Variants in VPS45 observed in about 807,000 individuals in gnomAD.
VPS45 encodes vacuolar protein sorting 45 homolog.
Under a neutral mutation model 75.9 loss-of-function variants are expected in VPS45, and 35 were observed. That is an observed-to-expected ratio of 0.46 (90% confidence interval 0.35 to 0.61). The LOEUF is 0.61. Among genes scored for constraint, VPS45 ranks in the 20% least tolerant of loss-of-function variants. VPS45 has a pLI of 0.00. For synonymous variants in VPS45, 220 were observed against 238.2 expected (o/e 0.92, Z 0.70); for missense variants, 559 against 685.9 (o/e 0.81, Z 2.07).
intron 14 of VPS45, among the ~76,000 whole-genome samples, chr1:150,128,896 C>T (rs756449801): frequency 2.0e-5 from 3 of 152,122 alleles, no homozygotes; most frequent in South Asian, 2.1e-4. Flanking sequence ...CGTGCCACCA[C>T]GCCTGGCTAA....
intron 6 of VPS45, 25 bp downstream of exon 6, chr1:150,077,256 C>G (rs1324111292): frequency 6.3e-7 from 1 of 1,597,566 alleles, no homozygotes; most frequent in African/African-American, 1.4e-5. Context: ...ATTCCTGGTT[C>G]CAAAACATAA....
intron 3 of VPS45, among the ~76,000 whole-genome samples, chr1:150,074,303 A>C (rs1655247989): frequency 6.6e-6 from 1 of 152,018 alleles, no homozygotes; most frequent in African/African-American, 2.4e-5. Flanking sequence ...GATTACAGGC[A>C]TGAGCCACCA....
intron 13 of VPS45, among the ~76,000 whole-genome samples, chr1:150,105,621 A>C (rs1248741493): frequency 6.6e-6 from 1 of 152,212 alleles, no homozygotes; most frequent in Non-Finnish European, 1.5e-5. Flanking sequence ...AGATGACACA[A>C]ACAAATGGAA....
At chr1:150,117,137 G>A (rs782544273) in intron 14 of VPS45, among the ~76,000 whole-genome samples, 2 of 151,706 alleles carry the variant, frequency 1.3e-5, no homozygotes, top group Non-Finnish European at 2.9e-5. Context: ...GGAAGCAGAG[G>A]TTGCAGTGAG....
chr1:150,076,368 AG>A, intron 4 of VPS45, 56 bp downstream of exon 4: 1 of 1,410,910 alleles, frequency 7.1e-7, no homozygotes, highest in Non-Finnish European at 9.7e-7. Flanking sequence ...TAAATATTTG[AG>A]TCTAAAAATA....
At chr1:150,076,169 C>T (rs1319904599) in intron 3 of VPS45, 64 bp from the exon 4 acceptor site, 2 of 1,260,572 alleles carry the variant, frequency 1.6e-6, no homozygotes, top group Non-Finnish European at 2.2e-6. Flanking sequence ...AACTATCAGG[C>T]CCTTTTACAT....
intron 12 of VPS45, 80 bp from the exon 13 acceptor site, chr1:150,093,447 C>T: frequency 6.6e-7 from 1 of 1,516,816 alleles, no homozygotes; most frequent in East Asian, 2.3e-5. Context: ...AGTGTATGTC[C>T]TTTTCTGATA....
intron 14 of VPS45, among the ~76,000 whole-genome samples, chr1:150,128,215 T>A (rs1344474560): frequency 6.6e-6 from 1 of 151,182 alleles, no homozygotes; most frequent in African/African-American, 2.4e-5. Flanking sequence ...GATGGGAGGA[T>A]AGCTTGAGCC....
In VPS45 at chr1:150,091,994, G is replaced by T; in HGVS notation, c.1162G>T (p.Val388Leu). The T allele has an allele frequency of 7.4e-6, 12 of 1,614,070 alleles. No individual in the cohort carries two copies. Among genetic ancestry groups the T allele is most frequent in the East Asian group, 2.2e-5 (1 of 44,878 alleles). Residue 388 changes from valine (V) to leucine (L), a missense_variant, in exon 11 of 15, where the codon GTG (valine) becomes TTG (leucine). Coordinates refer to ENST00000644510, the MANE Select transcript of VPS45 (RefSeq NM_007259.5). ...GACAGAGTTTGATGCTGCCCGCCTG[G>T]TGATGCTTTATGCTTTACATTATGA... ...KVTEFDAARLVMLYALHYERH... is the reference protein window; with the variant it reads ...KVTEFDAARLLMLYALHYERH...
At chr1:150,069,616 C>A (rs1231131514) in intron 2 of VPS45, among the ~76,000 whole-genome samples, 1 of 10,290 alleles carries the variant, frequency 9.7e-5, no homozygotes, top group African/African-American at 4.2e-4. Context: ...GCCACCACGC[C>A]CGGCTAATTT....
intron 14 of VPS45, among the ~76,000 whole-genome samples, chr1:150,118,244 A>G (rs587754745): frequency 1.8e-4 from 26 of 145,548 alleles, no homozygotes; most frequent in African/African-American, 5.3e-4. Context: ...AGATGGCACC[A>G]TTGCACTCCA....
chr1:150,133,614 T>C (rs149910401), intron 14 of VPS45, among the ~76,000 whole-genome samples: 1 of 152,176 alleles, frequency 6.6e-6, no homozygotes, highest in African/African-American at 2.4e-5. Flanking sequence ...AGCTGGGCTA[T>C]TTGGGGCTTC....
At chr1:150,137,359 C>T (rs1480883696) in intron 14 of VPS45, among the ~76,000 whole-genome samples, 1 of 152,224 alleles carries the variant, frequency 6.6e-6, no homozygotes, top group Admixed American at 6.5e-5. Context: ...AATTCATCCA[C>T]TTTATACTAA....
chr1:150,082,068 G>T, intron 9 of VPS45, 71 bp downstream of exon 9: 1 of 938,058 alleles, frequency 1.1e-6, no homozygotes, highest in South Asian at 1.6e-5. Context: ...AACACTTTTG[G>T]AATCTTCTGG....
At chr1:150,087,851 G>C (rs970694066) in intron 10 of VPS45, among the ~76,000 whole-genome samples, 2 of 152,092 alleles carry the variant, frequency 1.3e-5, no homozygotes, top group African/African-American at 4.8e-5. Context: ...TCAGATCTGG[G>C]CCAAGTCCTC....
intron 14 of VPS45, among the ~76,000 whole-genome samples, chr1:150,115,326 TCTA>T (rs1283170629): frequency 6.6e-6 from 1 of 152,234 alleles, no homozygotes; most frequent in African/African-American, 2.4e-5. Flanking sequence ...GTTTAATTTG[TCTA>T]CTAAGTCCAC....
intron 14 of VPS45, among the ~76,000 whole-genome samples, chr1:150,117,622 A>G (rs1658007651): frequency 1.3e-5 from 2 of 151,880 alleles, no homozygotes; most frequent in East Asian, 1.9e-4. Flanking sequence ...ACTTTGGGAG[A>G]CCGAAGTGGG....
At chr1:150,112,426 T>C (rs1553807339) in intron 14 of VPS45, among the ~76,000 whole-genome samples, 5 of 152,212 alleles carry the variant, frequency 3.3e-5, no homozygotes, top group Non-Finnish European at 7.3e-5. Flanking sequence ...AGGATACATA[T>C]TTAACATGAT....
chr1:150,117,347 C>T (rs1657992239), intron 14 of VPS45, among the ~76,000 whole-genome samples: 1 of 149,496 alleles, frequency 6.7e-6, no homozygotes, highest in Admixed American at 6.7e-5. Context: ...CATGGGGAAA[C>T]CCCATCTCTA....
Sources: gnomAD v4.1 joint callset for allele counts (sites outside exome capture counted in the v4.1 genomes callset) on GRCh38, gnomAD v4.1.1 for gene constraint, MANE v1.5 for transcripts, NCBI Gene and HGNC (gene_info 2026-07-23, HGNC 2026-07-21) for gene names.